The following PREX1 variants were observed in gnomAD, a reference collection of about 807,000 sequenced individuals.
PREX1 encodes phosphatidylinositol-3,4,5-trisphosphate dependent Rac exchange factor 1.
In PREX1, 41 loss-of-function variants were observed where a neutral mutation model predicts 198.3. That is an observed-to-expected ratio of 0.21 (90% CI 0.16 to 0.27). The LOEUF is 0.27. PREX1 is among the 10% of genes least tolerant of loss of function. PREX1 has a pLI of 1.00. For missense variants in PREX1, 1,620 were observed against 2,200.7 expected (o/e 0.74, Z 5.28); for synonymous variants, 843 against 887.2 (o/e 0.95, Z 0.89).
At chr20:48,747,905 T>C in intron 1 of PREX1, 25 bp from the exon 2 acceptor site, 1 of 1,599,240 alleles carries the variant, frequency 6.3e-7, no homozygotes, top group Non-Finnish European at 8.6e-7. Context: ...CAGAGAGAGG[T>C]GAGTGTCCGC....
intron 3 of PREX1, among the ~76,000 whole-genome samples, chr20:48,739,922 A>T (rs1353530219): frequency 6.6e-6 from 1 of 152,234 alleles, no homozygotes; most frequent in Non-Finnish European, 1.5e-5. Flanking sequence ...TAATGAATGC[A>T]TATCTGTAAG....
At chr20:48,646,339 G>A (rs1396550403) in intron 25 of PREX1, among the ~76,000 whole-genome samples, 2 of 152,258 alleles carry the variant, frequency 1.3e-5, no homozygotes, top group African/African-American at 4.8e-5. Context: ...GACCTGGACA[G>A]TGTGGAAGCA....
intron 1 of PREX1, among the ~76,000 whole-genome samples, chr20:48,778,969 C>T (rs143724634): frequency 9.9e-5 from 15 of 151,888 alleles, no homozygotes; most frequent in Admixed American, 9.8e-4. Flanking sequence ...TTAGATGTGA[C>T]ATTAAAAAAA....
chr20:48,874,438 G>A, the PREX1 span, among the ~76,000 whole-genome samples: 4 of 151,060 alleles, frequency 2.6e-5, no homozygotes, highest in South Asian at 2.1e-4. Context: ...GGGTGGTGTC[G>A]TGTGATTTAG....
At chr20:48,681,158 G>A in intron 11 of PREX1, 77 bp downstream of exon 11, 5 of 1,228,404 alleles carry the variant, frequency 4.1e-6, no homozygotes, top group Non-Finnish European at 5.9e-6. Flanking sequence ...AGCTGCCTGA[G>A]CTAGTGGAAG....
At chr20:48,727,544 C>G (rs1321394886) in intron 4 of PREX1, among the ~76,000 whole-genome samples, 1 of 152,118 alleles carries the variant, frequency 6.6e-6, no homozygotes, top group Non-Finnish European at 1.5e-5. Flanking sequence ...TCTAGGGCTC[C>G]CAACCACCAA....
chr20:48,827,736 T>C lies in PREX1; in HGVS notation c.125A>G (p.Glu42Gly), dbSNP rs1009037260. The C allele has an allele frequency of 2.3e-6, 3 of 1,299,098 alleles. No individual in the cohort carries two copies. Among genetic ancestry groups the C allele is most frequent in the South Asian group, 2.0e-5 (1 of 49,788 alleles). The allele number at this position is 1,299,098 out of a possible 1,614,324, so 80.5% of individuals were successfully genotyped here. A position where few individuals can be genotyped will look rare whatever the true frequency, so the allele number is the denominator to read the frequency against. ...SGPGPCAAAR[E>G]SERQLRLRLC... Reference sequence around the variant, plus strand: ...GCGGAGGCGCAGCTGGCGCTCGGACTCCCGGGCGGCCGCGCACGGGCCGGG... The same window carrying C: ...GCGGAGGCGCAGCTGGCGCTCGGACCCCCGGGCGGCCGCGCACGGGCCGGG... Residue 42 changes from glutamate to glycine, a missense_variant, in exon 1 of 40, where the codon GAG (glutamate) becomes GGG (glycine). Glu to Gly is a moderately conservative substitution (Grantham distance 98). This residue lies in a region of PREX1 where 96 missense variants were observed against 98.7 expected (regional missense o/e 0.97). Coordinates refer to ENST00000371941, the MANE Select transcript of PREX1 (RefSeq NM_020820.4). This position sits in a 1 kb window ranked among gnomAD's most constrained non-coding sequence, Gnocchi z 4.1.
At chr20:48,665,097 CT>C (rs780988716) in intron 15 of PREX1, among the ~76,000 whole-genome samples, 1 of 145,800 alleles carries the variant, frequency 6.9e-6, no homozygotes, top group Non-Finnish European at 1.5e-5. Flanking sequence ...CTAATCCCGG[CT>C]CCAGACGGCC....
chr20:48,750,008 T>A (rs1483357566), intron 1 of PREX1, among the ~76,000 whole-genome samples: 10 of 152,222 alleles, frequency 6.6e-5, no homozygotes, highest in Non-Finnish European at 1.5e-4. Flanking sequence ...TCCACCTGGA[T>A]GTCCAAACTC....
intron 5 of PREX1, among the ~76,000 whole-genome samples, chr20:48,718,177 C>A (rs2089970593): frequency 6.6e-6 from 1 of 152,198 alleles, no homozygotes; most frequent in Non-Finnish European, 1.5e-5. Flanking sequence ...ACCCTCCAGG[C>A]TCTGACATTC....
chr20:48,815,492 T>C (rs2090455035), intron 1 of PREX1, among the ~76,000 whole-genome samples: 1 of 152,126 alleles, frequency 6.6e-6, no homozygotes, highest in Non-Finnish European at 1.5e-5. Flanking sequence ...CCCTAATATG[T>C]GGAGATCAAT....
intron 5 of PREX1, among the ~76,000 whole-genome samples, chr20:48,725,985 A>C (rs2090008123): frequency 6.6e-6 from 1 of 152,232 alleles, no homozygotes; most frequent in African/African-American, 2.4e-5. Context: ...GCAGATAGCC[A>C]AAGACAGAAT....
chr20:48,801,401 C>T (rs1175941621), intron 1 of PREX1, among the ~76,000 whole-genome samples: 1 of 152,194 alleles, frequency 6.6e-6, no homozygotes, highest in Non-Finnish European at 1.5e-5. Flanking sequence ...CACCTGCCTG[C>T]CCTAAGTCAT....
chr20:48,683,057 GC>G (rs1171381062), intron 10 of PREX1, among the ~76,000 whole-genome samples: 1 of 152,212 alleles, frequency 6.6e-6, no homozygotes, highest in Non-Finnish European at 1.5e-5. Context: ...TGGGACAGGC[GC>G]CCCAGGTGGG....
chr20:48,874,372 CGT>C, the PREX1 span, among the ~76,000 whole-genome samples: 27,368 of 127,592 alleles, frequency 0.21, 2,828 homozygotes, highest in East Asian at 0.34. Flanking sequence ...GAGGGGTGTC[CGT>C]GTGTGTGTGT....
chr20:48,756,629 T>C (rs2090156901), intron 1 of PREX1, among the ~76,000 whole-genome samples: 1 of 152,192 alleles, frequency 6.6e-6, no homozygotes, highest in Non-Finnish European at 1.5e-5. Flanking sequence ...CCTGAAAGCA[T>C]ACAAAGAACC....
chr20:48,627,558 C>A lies in PREX1; in HGVS notation c.4927G>T (p.Gly1643Cys). ...NLRVKDQMPQ[G>C]APRLYRLCQP... ...GAGGCAGCCACTCACCGCGGAGCAC[C>A]CTGGGGCATCTGGTCCTTGACTCGC... The change falls in exon 39 of 40, where the codon GGT becomes TGT. Residue 1643 changes from glycine to cysteine, a missense_variant. Coordinates refer to ENST00000371941, the MANE Select transcript of PREX1 (RefSeq NM_020820.4). 1 of 1,613,946 alleles carries A rather than the reference C, an allele frequency of 6.2e-7. No homozygotes were observed. Among genetic ancestry groups the A allele is most frequent in the Non-Finnish European group, 8.5e-7 (1 of 1,179,962 alleles).
chr20:48,877,781 CTCAGAACAAAAGCCCAAGTTCT>C, the PREX1 span, among the ~76,000 whole-genome samples: 269 of 152,360 alleles, frequency 1.8e-3, no homozygotes, highest in Non-Finnish European at 3.4e-3. Context: ...AAGCTCCTCA[CTCAGAACAAAAGCCCAAGTTCT>C]TCAGAACAAA....
chr20:48,626,901 C>T (rs1419049658), intron 39 of PREX1, among the ~76,000 whole-genome samples: 1 of 152,088 alleles, frequency 6.6e-6, no homozygotes, highest in African/African-American at 2.4e-5. Flanking sequence ...GAGGATCAGA[C>T]GGAAACAACG....
Sources: gnomAD v4.1 joint callset for allele counts (sites outside exome capture counted in the v4.1 genomes callset) on GRCh38, gnomAD v4.1.1 for gene constraint, gnomAD v4.1.1 regional missense constraint, Gnocchi (gnomAD v3.1) non-coding constraint, MANE v1.5 for transcripts, NCBI Gene and HGNC (gene_info 2026-07-23, HGNC 2026-07-21) for gene names.